The following DCAF6 variants were observed in gnomAD, a reference collection of about 807,000 sequenced individuals.
The protein encoded by DCAF6 is DDB1 and CUL4 associated factor 6.
In DCAF6, 54 loss-of-function variants were observed where a neutral mutation model predicts 125.1. The observed-to-expected ratio is 0.43, with a 90% CI of 0.35 to 0.54. The LOEUF (loss-of-function observed/expected upper bound fraction) is 0.54. Ranked by LOEUF, DCAF6 falls within the 20% of genes least tolerant of loss-of-function variation. The pLI is 0.01. For missense variants in DCAF6, 934 were observed against 1,161.7 expected, an observed-to-expected ratio of 0.80 and a Z score of 2.85; for synonymous variants, 371 against 390.4, an observed-to-expected ratio of 0.95 and a Z score of 0.58.
the DCAF6 span, chr1:167,905,013 AGG>A: frequency 6.2e-7 from 1 of 1,614,208 alleles, no homozygotes; most frequent in Non-Finnish European, 8.5e-7. Flanking sequence ...AACAAACATC[AGG>A]ACTCCGTCAA....
At chr1:167,970,119 A>G (rs1677076426) in intron 3 of DCAF6, among the ~76,000 whole-genome samples, 1 of 152,180 alleles carries the variant, frequency 6.6e-6, no homozygotes, top group African/African-American at 2.4e-5. Flanking sequence ...AATAATGTAT[A>G]TGTAGAAAGC....
At chr1:167,972,818 A>G (rs1677541096) in intron 3 of DCAF6, among the ~76,000 whole-genome samples, 1 of 152,178 alleles carries the variant, frequency 6.6e-6, no homozygotes, top group Admixed American at 6.5e-5. Context: ...TGAAATCTAG[A>G]GATTTGTTCA....
intron 17 of DCAF6, 84 bp downstream of exon 17, chr1:168,051,017 T>G (rs1689855818): frequency 1.6e-6 from 1 of 640,996 alleles, no homozygotes; most frequent in Admixed American, 3.2e-5. Flanking sequence ...ACCTTTCCTA[T>G]TAACAGTTAA....
the DCAF6 span, among the ~76,000 whole-genome samples, chr1:167,868,227 T>G: frequency 6.6e-6 from 1 of 151,994 alleles, no homozygotes; most frequent in East Asian, 1.9e-4. Context: ...TCATGTTACG[T>G]TTGTGGAGAA....
At chr1:167,985,394 A>G (rs922689236) in intron 4 of DCAF6, among the ~76,000 whole-genome samples, 1 of 152,116 alleles carries the variant, frequency 6.6e-6, no homozygotes, top group Non-Finnish European at 1.5e-5. Context: ...GGCTACTTGC[A>G]TTCCTTGGAG....
At chr1:167,935,643 T>C (rs1671110721), upstream of DCAF6, 3 of 1,082,288 alleles carry the variant, frequency 2.8e-6, no homozygotes, top group Non-Finnish European at 4.2e-6. Flanking sequence ...TGGATGCCTC[T>C]AGAGGCAGTT....
At chr1:168,042,927 A>AT (rs1404738081) in intron 13 of DCAF6, 98 bp from the exon 14 acceptor site, 1 of 718,532 alleles carries the variant, frequency 1.4e-6, no homozygotes, top group East Asian at 2.7e-5. Context: ...TTACTTGTGA[A>AT]TTTTTTGGTC....
At chr1:167,899,520 G>A in the DCAF6 span, 5 of 1,614,108 alleles carry the variant, frequency 3.1e-6, no homozygotes, top group Non-Finnish European at 3.4e-6. Flanking sequence ...ATTCATCTGA[G>A]CCATGTTCTG....
At chr1:168,072,626 T>C (rs1693256468) in intron 21 of DCAF6, among the ~76,000 whole-genome samples, 1 of 152,194 alleles carries the variant, frequency 6.6e-6, no homozygotes, top group South Asian at 2.1e-4. Context: ...CACATAGTAG[T>C]TGCTTAACAA....
At chr1:167,891,262 T>G in the DCAF6 span, among the ~76,000 whole-genome samples, 1 of 151,588 alleles carries the variant, frequency 6.6e-6, no homozygotes, top group South Asian at 2.1e-4. Context: ...GCTTGGCTCA[T>G]CTAACATTTA....
chr1:167,990,890 C>T (rs1173737828), intron 5 of DCAF6, among the ~76,000 whole-genome samples: 4 of 151,872 alleles, frequency 2.6e-5, no homozygotes, highest in African/African-American at 7.3e-5. Flanking sequence ...GGAAAGTCTA[C>T]AATATTGTGG....
At chr1:167,992,024 A>C (rs1194165569) in intron 6 of DCAF6, among the ~76,000 whole-genome samples, 1 of 152,128 alleles carries the variant, frequency 6.6e-6, no homozygotes, top group African/African-American at 2.4e-5. Flanking sequence ...ACAATGGTAA[A>C]TGTGGTAGTA....
At chr1:167,896,630 G>A in the DCAF6 span, 1 of 1,613,602 alleles carries the variant, frequency 6.2e-7, no homozygotes. Flanking sequence ...ATGCATGAAG[G>A]TCGTACACTT....
At chr1:167,983,812 T>C (rs1679546471) in intron 4 of DCAF6, among the ~76,000 whole-genome samples, 1 of 152,196 alleles carries the variant, frequency 6.6e-6, no homozygotes, top group Non-Finnish European at 1.5e-5. Context: ...TGTTAAATCA[T>C]TGCTGTTGAT....
intron 6 of DCAF6, among the ~76,000 whole-genome samples, chr1:167,992,928 G>C (rs552644920): frequency 6.6e-6 from 1 of 152,202 alleles, no homozygotes; most frequent in South Asian, 2.1e-4. Flanking sequence ...AGATGACTTC[G>C]TGTGATTGTA....
At chr1:168,023,922 A>G (rs1456445593) in intron 12 of DCAF6, 1 of 152,232 alleles carries the variant, frequency 6.6e-6, no homozygotes, top group East Asian at 1.9e-4. Context: ...TCTCTATTTA[A>G]AAAGGCAGAT....
the DCAF6 span, among the ~76,000 whole-genome samples, chr1:167,891,671 A>G: frequency 6.6e-6 from 1 of 150,626 alleles, no homozygotes; most frequent in Non-Finnish European, 1.5e-5. Context: ...AAAAAAAAAA[A>G]GAAAGAAAGG....
chr1:167,928,603 C>T, the DCAF6 span, among the ~76,000 whole-genome samples: 1 of 152,110 alleles, frequency 6.6e-6, no homozygotes, highest in Non-Finnish European at 1.5e-5. Context: ...CAAAACAAAG[C>T]ATTTAGAAAT....
At chr1:167,979,060 A>G (rs1181309140) in intron 4 of DCAF6, among the ~76,000 whole-genome samples, 1 of 152,056 alleles carries the variant, frequency 6.6e-6, no homozygotes, top group African/African-American at 2.4e-5. Flanking sequence ...AGTTATGAAG[A>G]TATTCTTCTA....
Sources: gnomAD v4.1 joint callset for allele counts (sites outside exome capture counted in the v4.1 genomes callset) on GRCh38, gnomAD v4.1.1 for gene constraint, MANE v1.5 for transcripts, NCBI Gene and HGNC (gene_info 2026-07-23, HGNC 2026-07-21) for gene names.